The following UBE3A variants were observed in gnomAD, a reference collection of about 807,000 sequenced individuals.
UBE3A encodes ubiquitin protein ligase E3A.
In UBE3A, 6 loss-of-function variants were observed where a neutral mutation model predicts 83.4. The observed-to-expected ratio is 0.07, with a 90% CI of 0.04 to 0.14. The LOEUF (loss-of-function observed/expected upper bound fraction) is 0.14, where lower values mean the gene tolerates loss of function less well. Ranked by LOEUF, UBE3A falls within the 10% of genes least tolerant of loss-of-function variation. UBE3A has a pLI of 1.00. For synonymous variants in UBE3A, 337 were observed against 355.4 expected, an observed-to-expected ratio of 0.95 and a Z score of 0.58; for missense variants, 456 against 1,036.1, an observed-to-expected ratio of 0.44 and a Z score of 7.69.
At chr15:25,344,571 T>C (rs2075361268) in intron 11 of UBE3A, among the ~76,000 whole-genome samples, 3 of 152,204 alleles carry the variant, frequency 2.0e-5, no homozygotes, top group Non-Finnish European at 2.9e-5. Context: ...TTTAGAGTAA[T>C]GACTGTGAAA....
chr15:25,383,020 G>GA (rs1363043153), intron 4 of UBE3A, among the ~76,000 whole-genome samples: 2 of 151,854 alleles, frequency 1.3e-5, no homozygotes, highest in Non-Finnish European at 2.9e-5. Flanking sequence ...CAAACTCTTT[G>GA]AAAAAACTAG....
chr15:25,357,165 C>T (rs1009681934), intron 7 of UBE3A, among the ~76,000 whole-genome samples: 4 of 151,878 alleles, frequency 2.6e-5, no homozygotes, highest in South Asian at 2.1e-4. Context: ...TAGAAAAATA[C>T]GTTAATTAAA....
At chr15:25,351,706 G>C (rs747812936) in intron 11 of UBE3A, among the ~76,000 whole-genome samples, 1 of 152,088 alleles carries the variant, frequency 6.6e-6, no homozygotes, top group Non-Finnish European at 1.5e-5. Flanking sequence ...CCTGGCTTCC[G>C]GTGATCTGCC....
chr15:25,422,228 G>C (rs890148795), intron 1 of UBE3A, among the ~76,000 whole-genome samples: 1 of 152,106 alleles, frequency 6.6e-6, no homozygotes, highest in Non-Finnish European at 1.5e-5. Context: ...TTCTAGAGTA[G>C]GAAAACTAAT....
At chr15:25,419,003 A>AT (rs1224216653) in intron 1 of UBE3A, 3 of 152,164 alleles carry the variant, frequency 2.0e-5, no homozygotes, top group Non-Finnish European at 4.4e-5. Flanking sequence ...CCATCTCTAG[A>AT]TTACTTATAA....
intron 11 of UBE3A, among the ~76,000 whole-genome samples, chr15:25,351,267 C>T (rs1185540139): frequency 6.6e-6 from 1 of 152,058 alleles, no homozygotes; most frequent in Non-Finnish European, 1.5e-5. Context: ...AAGAGTTTTT[C>T]TTAAGAAGTA....
intron 4 of UBE3A, among the ~76,000 whole-genome samples, chr15:25,400,426 A>G (rs1028056400): frequency 6.6e-6 from 1 of 152,204 alleles, no homozygotes; most frequent in African/African-American, 2.4e-5. Context: ...AATAGTTGCT[A>G]TACTGTAGTT....
chr15:25,383,442 G>A (rs552766469), intron 4 of UBE3A, among the ~76,000 whole-genome samples: 25 of 152,236 alleles, frequency 1.6e-4, no homozygotes, highest in African/African-American at 5.3e-4. Context: ...TGTGAGACCA[G>A]CCTGGCCAAC....
chr15:25,339,312 C>T (rs1407561054), intron 12 of UBE3A, 55 bp from the exon 13 acceptor site: 3 of 1,591,556 alleles, frequency 1.9e-6, no homozygotes, highest in East Asian at 4.5e-5. Context: ...GGGAAATACA[C>T]TTAGAATTAA....
chr15:25,419,119 AAT>A (rs1050238027), intron 1 of UBE3A: 38 of 152,184 alleles, frequency 2.5e-4, no homozygotes, highest in African/African-American at 8.4e-4. Flanking sequence ...GAGCAAAATA[AAT>A]AGTTGCTGAT....
intron 4 of UBE3A, among the ~76,000 whole-genome samples, chr15:25,383,774 C>G (rs1289085143): frequency 6.6e-6 from 1 of 152,078 alleles, no homozygotes. Context: ...CCTCTAAGAT[C>G]ACAAATGGAA....
intron 1 of UBE3A, among the ~76,000 whole-genome samples, chr15:25,422,649 ATAAAG>A (rs1471795165): frequency 6.6e-6 from 1 of 152,088 alleles, no homozygotes; most frequent in Non-Finnish European, 1.5e-5. Context: ...ATTAAAGTCT[ATAAAG>A]TAAAATCACA....
intron 11 of UBE3A, among the ~76,000 whole-genome samples, chr15:25,344,864 G>A (rs781516374): frequency 4.6e-5 from 7 of 152,238 alleles, no homozygotes; most frequent in Non-Finnish European, 7.4e-5. Context: ...TGAGATAACA[G>A]ATTAAGGTAA....
chr15:25,374,008 C>A (rs2080764187), intron 5 of UBE3A: 1 of 152,146 alleles, frequency 6.6e-6, no homozygotes, highest in South Asian at 2.1e-4. Context: ...GTGCAGACTA[C>A]TTAATACTTA....
At chr15:25,359,175 T>C (rs945970676) in intron 7 of UBE3A, among the ~76,000 whole-genome samples, 3 of 152,324 alleles carry the variant, frequency 2.0e-5, no homozygotes, top group South Asian at 2.1e-4. Flanking sequence ...ATCTATGTTT[T>C]TTCTTACAAG....
intron 11 of UBE3A, chr15:25,347,132 A>C (rs2075808463): frequency 6.6e-6 from 1 of 152,214 alleles, no homozygotes; most frequent in Non-Finnish European, 1.5e-5. Context: ...TAAAAGATGG[A>C]ATCTTGGAAA....
chr15:25,394,065 C>G (rs1402134058), intron 4 of UBE3A, among the ~76,000 whole-genome samples: 1 of 152,160 alleles, frequency 6.6e-6, no homozygotes, highest in East Asian at 1.9e-4. Flanking sequence ...TCCCAAGCAT[C>G]CTCAAGGTTT....
intron 4 of UBE3A, among the ~76,000 whole-genome samples, chr15:25,399,592 A>T (rs8042829): frequency 6.6e-6 from 1 of 152,026 alleles, no homozygotes; most frequent in Admixed American, 6.6e-5. Context: ...TTTAAAAGAC[A>T]GGGTCTCACG....
At chr15:25,428,310 AG>A (rs1285336556) in intron 1 of UBE3A, among the ~76,000 whole-genome samples, 1 of 152,222 alleles carries the variant, frequency 6.6e-6, no homozygotes, top group Non-Finnish European at 1.5e-5. Flanking sequence ...AACTCCTTTC[AG>A]ATGAACCTAA....
Sources: allele counts gnomAD v4.1 joint callset (sites outside exome capture counted in the v4.1 genomes callset), GRCh38; gene constraint gnomAD v4.1.1; transcripts MANE v1.5; gene names NCBI Gene and HGNC (gene_info 2026-07-23, HGNC 2026-07-21).